DAPP1: variants seen among roughly 807,000 people sequenced by gnomAD.
The protein encoded by DAPP1 is dual adaptor of phosphotyrosine and 3-phosphoinositides 1.
DAPP1 carries 20 observed loss-of-function variants against 41.5 expected under a neutral mutation model. The ratio of observed to expected loss-of-function variants is 0.48; its 90% CI spans 0.34 to 0.70. DAPP1 has a LOEUF of 0.70. Ranked by LOEUF, DAPP1 falls within the 30% of genes least tolerant of loss-of-function variation. The pLI is 0.01. For synonymous variants in DAPP1, 113 were observed against 116.2 expected (o/e 0.97, Z 0.18); for missense variants, 233 against 333.4 (o/e 0.70, Z 2.35).
intron 3 of DAPP1, among the ~76,000 whole-genome samples, chr4:99,850,345 C>T (rs1294863468): frequency 6.6e-6 from 1 of 151,630 alleles, no homozygotes; most frequent in South Asian, 2.1e-4. Flanking sequence ...GGGAGGCAGA[C>T]GTTGCAGTGA....
intron 3 of DAPP1, among the ~76,000 whole-genome samples, chr4:99,844,940 C>A (rs1333520546): frequency 6.6e-6 from 1 of 152,192 alleles, no homozygotes; most frequent in African/African-American, 2.4e-5. Flanking sequence ...CAACTAGTGA[C>A]AACTTAGAAT....
At chr4:99,838,600 T>C (rs1400896525) in intron 2 of DAPP1, among the ~76,000 whole-genome samples, 1 of 151,944 alleles carries the variant, frequency 6.6e-6, no homozygotes, top group Non-Finnish European at 1.5e-5. Context: ...CCCAATAGGG[T>C]TCAGGCTCCT....
At chr4:99,838,170 A>G (rs951258224) in intron 2 of DAPP1, among the ~76,000 whole-genome samples, 2 of 152,150 alleles carry the variant, frequency 1.3e-5, no homozygotes, top group African/African-American at 4.8e-5. Flanking sequence ...TCACCTATGT[A>G]TGTCTCATCT....
intron 4 of DAPP1, among the ~76,000 whole-genome samples, chr4:99,856,908 C>A (rs1406611776): frequency 6.6e-6 from 1 of 152,160 alleles, no homozygotes; most frequent in African/African-American, 2.4e-5. Context: ...GCCTTGGGAA[C>A]CCAAATCTTT....
intron 3 of DAPP1, among the ~76,000 whole-genome samples, chr4:99,847,117 A>G (rs1166147001): frequency 3.7e-4 from 57 of 152,226 alleles, no homozygotes; most frequent in Non-Finnish European, 2.9e-5. Context: ...CCTGTGAGCC[A>G]CTGATAACAT....
chr4:99,854,643 T>C (rs115289957), intron 4 of DAPP1, among the ~76,000 whole-genome samples: 1,644 of 152,250 alleles, frequency 0.011, 37 homozygotes, highest in African/African-American at 0.037. Flanking sequence ...CTGTGAAACC[T>C]GTCTCTCTCA....
intron 1 of DAPP1, among the ~76,000 whole-genome samples, chr4:99,828,514 A>G (rs1188074459): frequency 3.3e-5 from 5 of 152,192 alleles, no homozygotes; most frequent in Admixed American, 6.5e-5. Flanking sequence ...TAGATTAGTA[A>G]ATTAAAACAG....
At chr4:99,835,045 G>A (rs1723249539) in intron 1 of DAPP1, among the ~76,000 whole-genome samples, 1 of 149,020 alleles carries the variant, frequency 6.7e-6, no homozygotes, top group African/African-American at 2.5e-5. Context: ...ATTGCACTCT[G>A]TTACCCAGGC....
chr4:99,859,559 G>A (rs982847761), intron 4 of DAPP1, among the ~76,000 whole-genome samples: 1 of 152,148 alleles, frequency 6.6e-6, no homozygotes, highest in African/African-American at 2.4e-5. Context: ...TCATTCTAGT[G>A]TTTTCCCTTC....
intron 1 of DAPP1, among the ~76,000 whole-genome samples, chr4:99,824,023 A>C (rs1366876569): frequency 2.0e-5 from 3 of 152,146 alleles, no homozygotes; most frequent in South Asian, 2.1e-4. Flanking sequence ...TATCAGTATA[A>C]ATTTCTAAAT....
intron 1 of DAPP1, among the ~76,000 whole-genome samples, chr4:99,822,110 C>T (rs1722792561): frequency 6.6e-6 from 1 of 152,150 alleles, no homozygotes; most frequent in African/African-American, 2.4e-5. Flanking sequence ...AACTAGTGTA[C>T]AGTTCCATCT....
chr4:99,848,430 C>T (rs1578180849), intron 3 of DAPP1, among the ~76,000 whole-genome samples: 2 of 151,154 alleles, frequency 1.3e-5, no homozygotes, highest in Admixed American at 6.6e-5. Context: ...GGGGTTTCAC[C>T]GTGTTAGCCA....
intron 3 of DAPP1, among the ~76,000 whole-genome samples, chr4:99,843,905 G>GT (rs1292078766): frequency 6.6e-6 from 1 of 152,098 alleles, no homozygotes; most frequent in Non-Finnish European, 1.5e-5. Context: ...CTGCATTGCA[G>GT]TTTTTTGCAT....
chr4:99,830,979 T>C (rs2110139431), intron 1 of DAPP1, among the ~76,000 whole-genome samples: 1 of 152,362 alleles, frequency 6.6e-6, no homozygotes, highest in African/African-American at 2.4e-5. Context: ...AATCTATTTT[T>C]TTCATTAGAA....
intron 8 of DAPP1, among the ~76,000 whole-genome samples, chr4:99,867,118 T>A (rs1463659116): frequency 2.6e-5 from 4 of 152,198 alleles, no homozygotes; most frequent in Non-Finnish European, 2.9e-5. Context: ...TGCAAAATTG[T>A]CTGATATATA....
At chr4:99,845,384 G>A (rs951494094) in intron 3 of DAPP1, among the ~76,000 whole-genome samples, 2 of 152,218 alleles carry the variant, frequency 1.3e-5, no homozygotes, top group African/African-American at 4.8e-5. Context: ...TGGAATCTGG[G>A]CTAACCTGGT....
chr4:99,851,849 G>A (rs938015522), intron 3 of DAPP1, among the ~76,000 whole-genome samples: 4 of 152,016 alleles, frequency 2.6e-5, no homozygotes, highest in African/African-American at 7.2e-5. Context: ...CACTGTGCCC[G>A]GCCTGTTTTG....
At position 99,835,565 on chromosome 4, in the gene DAPP1, G is replaced by A. The variant is rs1324756480; in HGVS notation, c.102-58G>A. On this transcript the variant is annotated intron_variant, in intron 1 of 8. Coordinates refer to ENST00000512369, the MANE Select transcript of DAPP1 (RefSeq NM_014395.3). The stretch of plus-strand genomic sequence containing the variant: ...GTAATCTTTGCAAGGAAAAGCCAGT[G>A]CAGGGGGAGTCATGCCATGGTTTGG... 2.5e-6 allele frequency: 4 copies of A among 1,594,694 alleles called. No individual in the cohort carries two copies. The South Asian group carries it at 4.5e-5, about 18-fold the overall frequency.
At chr4:99,843,091 T>C (rs2110149710) in intron 3 of DAPP1, among the ~76,000 whole-genome samples, 1 of 152,300 alleles carries the variant, frequency 6.6e-6, no homozygotes, top group South Asian at 2.1e-4. Flanking sequence ...ATTGGATATT[T>C]CAGGCCACTG....
Sources: allele counts gnomAD v4.1 joint callset (sites outside exome capture counted in the v4.1 genomes callset), GRCh38; gene constraint gnomAD v4.1.1; transcripts MANE v1.5; gene names NCBI Gene and HGNC (gene_info 2026-07-23, HGNC 2026-07-21).